FBXO33: variants seen among roughly 807,000 people sequenced by gnomAD.
FBXO33 encodes the protein F-box only protein 33.
A neutral mutation model predicts 46.3 loss-of-function variants in FBXO33; 22 were observed. The observed-to-expected ratio is 0.48, with a 90% CI of 0.34 to 0.68. FBXO33 has a LOEUF of 0.68. Ranked by LOEUF, FBXO33 falls within the 30% of genes least tolerant of loss-of-function variation. FBXO33 has a pLI of 0.01. For synonymous variants in FBXO33, 337 were observed against 291.3 expected, an observed-to-expected ratio of 1.16 and a Z score of -1.60; for missense variants, 692 against 708.8, an observed-to-expected ratio of 0.98 and a Z score of 0.27.
chr14:39,427,263 A>G (rs1322714476), intron 1 of FBXO33, among the ~76,000 whole-genome samples: 2 of 152,186 alleles, frequency 1.3e-5, no homozygotes, highest in Non-Finnish European at 2.9e-5. Context: ...ACCTCTCATA[A>G]CAGCCTTCCA....
At chr14:39,402,298 T>G in intron 2 of FBXO33, 103 bp downstream of exon 2, 2 of 560,098 alleles carry the variant, frequency 3.6e-6, no homozygotes, top group Non-Finnish European at 5.7e-6. Flanking sequence ...CCTATGTTCC[T>G]TTTAGGAAAA....
Position 39,398,186 on chromosome 14 carries a change from T to C in FBXO33, c.*1330A>G, listed in dbSNP as rs1052572129. On this transcript the variant is annotated 3_prime_UTR_variant, in exon 4 of 4. Transcript: ENST00000298097. ...CCCAGGTTGGCTACTTACTTTATTA[T>C]TGCAGACTGTCCTTTAACATTAAAT... 1.3e-5 allele frequency: 2 copies of C among 152,718 alleles called. No homozygotes were observed. Among genetic ancestry groups the C allele is most frequent in the African/African-American group, 4.8e-5 (2 of 41,478 alleles). 9.5% of individuals were successfully genotyped at this position (152,718 alleles called of 1,614,324 possible).
rs760490685 is a variant in FBXO33, at chr14:39,402,421, A to G, written c.690T>C (p.Pro230=). The change falls in exon 2 of 4, where the codon CCT becomes CCC. Residue 230 remains proline (P), a synonymous_variant. Coordinates refer to ENST00000298097, the MANE Select transcript of FBXO33 (RefSeq NM_203301.4). ...LSNTYLSKVD[P]DGKKIKQIQQ... ...CTTACTGTTTAATTTTTTTGCCATC[A>G]GGGTCCACCTTGCTGAGGTATGTAT... 1.3e-6 allele frequency: 2 copies of G among 1,570,764 alleles called. No homozygotes were observed. The highest frequency in any genetic ancestry group is 1.7e-6 in the Non-Finnish European group (2 of 1,158,538).
intron 1 of FBXO33, among the ~76,000 whole-genome samples, chr14:39,430,891 C>T (rs2075541608): frequency 6.6e-6 from 1 of 152,134 alleles, no homozygotes; most frequent in African/African-American, 2.4e-5. Context: ...CCCTGGCCAA[C>T]TCCCTCGCTG....
intron 1 of FBXO33, among the ~76,000 whole-genome samples, chr14:39,406,409 G>A (rs547776757): frequency 1.3e-5 from 2 of 152,136 alleles, no homozygotes; most frequent in African/African-American, 4.8e-5. Flanking sequence ...TAAGGACAAC[G>A]GCCTTCCCTC....
At chr14:39,401,947 A>C in intron 2 of FBXO33, 86 bp from the exon 3 acceptor site, 1 of 1,106,760 alleles carries the variant, frequency 9.0e-7, no homozygotes, top group South Asian at 1.6e-5. Flanking sequence ...GGCAATGAAA[A>C]GCATGCAATT....
chr14:39,405,371 A>C (rs1419604413), intron 1 of FBXO33, among the ~76,000 whole-genome samples: 1 of 152,158 alleles, frequency 6.6e-6, no homozygotes, highest in Non-Finnish European at 1.5e-5. Context: ...GTGCTGGATT[A>C]GCTATAGGGG....
At chr14:39,418,148 C>G (rs1419549595) in intron 1 of FBXO33, among the ~76,000 whole-genome samples, 1 of 151,800 alleles carries the variant, frequency 6.6e-6, no homozygotes, top group Non-Finnish European at 1.5e-5. Flanking sequence ...ACTGCAAGCT[C>G]CGCCTCCCGG....
intron 1 of FBXO33, among the ~76,000 whole-genome samples, chr14:39,406,074 T>G (rs977932122): frequency 1.3e-5 from 2 of 151,982 alleles, no homozygotes; most frequent in Admixed American, 6.6e-5. Context: ...TATATAAGTA[T>G]GTCTGCTTTT....
intron 3 of FBXO33, among the ~76,000 whole-genome samples, chr14:39,400,750 A>T (rs1030081203): frequency 2.0e-5 from 3 of 152,182 alleles, no homozygotes; most frequent in African/African-American, 7.2e-5. Context: ...AACCATCGTT[A>T]AAAAAATTAT....
intron 1 of FBXO33, among the ~76,000 whole-genome samples, chr14:39,430,245 T>C (rs1955716): frequency 0.14 from 21,471 of 152,138 alleles, 1,680 homozygotes; most frequent in South Asian, 0.27. Flanking sequence ...AGTAAGGAAA[T>C]AGAATGTCTT....
intron 1 of FBXO33, among the ~76,000 whole-genome samples, chr14:39,428,269 G>C (rs1293138865): frequency 6.6e-6 from 1 of 152,002 alleles, no homozygotes; most frequent in South Asian, 2.1e-4. Context: ...GCAGTAGCAC[G>C]ATCTCTATTC....
intron 1 of FBXO33, among the ~76,000 whole-genome samples, chr14:39,420,799 G>A (rs190079962): frequency 1.3e-5 from 2 of 152,276 alleles, no homozygotes; most frequent in African/African-American, 2.4e-5. Flanking sequence ...GTTTTAGTGT[G>A]TGTTAAAAAT....
chr14:39,430,373 C>CAT (rs548017269), intron 1 of FBXO33, among the ~76,000 whole-genome samples: 64 of 151,770 alleles, frequency 4.2e-4, no homozygotes, highest in South Asian at 1.7e-3. Flanking sequence ...ATGGCGCATA[C>CAT]ATATATATAT....
chr14:39,401,461 G>C lies in FBXO33; in HGVS notation c.1111C>G (p.Arg371Gly). ...ATATCAAAAGCCATTATATAGACCCGAAAGCTGGTGCTCTTTCGTGACAGG... is the reference window on the plus strand; with the variant it reads ...ATATCAAAAGCCATTATATAGACCCCAAAGCTGGTGCTCTTTCGTGACAGG... ...KALSRKSTSF[R>G]VYIMAFDIKS... The change falls in exon 3 of 4, where the codon CGG becomes GGG. Residue 371 changes from arginine (R) to glycine (G), a missense_variant. By Grantham distance (125) the Arg-to-Gly change is moderately radical. Coordinates refer to ENST00000298097, the MANE Select transcript of FBXO33 (RefSeq NM_203301.4). The C allele has an allele frequency of 6.2e-7, 1 of 1,614,018 alleles. No homozygotes were observed. Among genetic ancestry groups the C allele is most frequent in the Non-Finnish European group, 8.5e-7 (1 of 1,180,014 alleles).
intron 1 of FBXO33, among the ~76,000 whole-genome samples, chr14:39,412,357 A>G (rs1302041986): frequency 1.3e-5 from 2 of 152,194 alleles, no homozygotes; most frequent in Non-Finnish European, 2.9e-5. Context: ...TTTCTAAGAT[A>G]TAAGTATAGA....
At chr14:39,403,922 C>A (rs1282497416) in intron 1 of FBXO33, among the ~76,000 whole-genome samples, 3 of 151,886 alleles carry the variant, frequency 2.0e-5, no homozygotes, top group Non-Finnish European at 4.4e-5. Flanking sequence ...CCAGCTCAGC[C>A]TCCTGAGTAG....
chr14:39,432,129 G>C lies in FBXO33; in HGVS notation c.34C>G (p.Pro12Ala). 7 of 1,241,842 alleles carry C rather than the reference G, an allele frequency of 5.6e-6. No homozygotes were observed. Among genetic ancestry groups the C allele is most frequent in the Non-Finnish European group, 7.0e-6 (7 of 994,724 alleles). The allele number at this position is 1,241,842 out of a possible 1,614,324, so 76.9% of individuals were successfully genotyped here. ...CCGGCTCGGGTTCGAGCTCCCGGCG[G>C]TCGGGGCTGCGGCACTGACAAGAAC... is the stretch of plus-strand genomic sequence containing the variant. The part of the protein sequence containing the change: ...LLFLSVPQPR[P>A]PGARTRAGAA... The change falls in exon 1 of 4, where the codon CCG becomes GCG. Residue 12 changes from proline (P) to alanine (A), a missense_variant. This residue lies in a region of FBXO33 where 412 missense variants were observed against 370.8 expected (regional missense o/e 1.11). Coordinates refer to ENST00000298097, the MANE Select transcript of FBXO33 (RefSeq NM_203301.4).
intron 1 of FBXO33, among the ~76,000 whole-genome samples, chr14:39,418,603 G>A (rs1270473633): frequency 6.7e-6 from 1 of 150,034 alleles, no homozygotes; most frequent in Non-Finnish European, 1.5e-5. Context: ...GTGAAACCCC[G>A]TCTCTACTAA....
Sources: gnomAD v4.1 joint callset for allele counts (sites outside exome capture counted in the v4.1 genomes callset) on GRCh38, gnomAD v4.1.1 for gene constraint, gnomAD v4.1.1 regional missense constraint, MANE v1.5 for transcripts, NCBI Gene and HGNC (gene_info 2026-07-23, HGNC 2026-07-21) for gene names.